FAM118B: variants seen among roughly 807,000 people sequenced by gnomAD.
The protein encoded by FAM118B is protein FAM118B.
Under a neutral mutation model 38.5 loss-of-function variants are expected in FAM118B, and 24 were observed. The observed-to-expected ratio is 0.62, with a 90% confidence interval of 0.45 to 0.88. The LOEUF (loss-of-function observed/expected upper bound fraction) is 0.88, where lower values mean the gene tolerates loss of function less well. Ranked by LOEUF, FAM118B falls within the 40% of genes least tolerant of loss-of-function variation. The probability of loss-of-function intolerance (pLI) is 0.00; values close to 1 mark genes in which losing one functional copy is unlikely to be tolerated. For synonymous variants in FAM118B, 138 were observed against 156.3 expected (o/e 0.88, Z 0.87); for missense variants, 334 against 420.0 (o/e 0.80, Z 1.79).
At chr11:126,259,654 T>G (rs1950644102) in intron 7 of FAM118B, among the ~76,000 whole-genome samples, 1 of 151,836 alleles carries the variant, frequency 6.6e-6, no homozygotes, top group Non-Finnish European at 1.5e-5. Context: ...CTCGGTCTCC[T>G]GACCTCATGA....
intron 4 of FAM118B, among the ~76,000 whole-genome samples, chr11:126,246,180 G>A (rs1950417476): frequency 6.6e-6 from 1 of 152,170 alleles, no homozygotes; most frequent in South Asian, 2.1e-4. Context: ...TATTTTTTAG[G>A]TGAGATAGAA....
At chr11:126,225,672 C>G (rs10790795) in intron 1 of FAM118B, among the ~76,000 whole-genome samples, 41,493 of 152,062 alleles carry the variant, frequency 0.27, 6,731 homozygotes, top group African/African-American at 0.44. Flanking sequence ...TTCATTGTTT[C>G]CAGCTTAGTT....
Position 126,261,417 on chromosome 11 carries a change from CTATT to C in FAM118B, c.983-5_983-2del. 6.2e-7 allele frequency: 1 copy of C among 1,613,386 alleles called. No individual in the cohort carries two copies. Among genetic ancestry groups the C allele is most frequent in the Non-Finnish European group, 8.5e-7 (1 of 1,179,348 alleles). The stretch of plus-strand genomic sequence containing the variant: ...GTCTAATGTCTGATGCTGATGTCCT[CTATT>C]TAGCAGGGATGGTGAGAGAAGGTCA... On this transcript the variant is annotated splice_region_variant and splice_polypyrimidine_tract_variant and intron_variant, in intron 7 of 8. Coordinates refer to ENST00000533050, the MANE Select transcript of FAM118B (RefSeq NM_024556.4).
At chr11:126,223,719 C>T (rs2135135251) in intron 1 of FAM118B, among the ~76,000 whole-genome samples, 1 of 152,146 alleles carries the variant, frequency 6.6e-6, no homozygotes, top group South Asian at 2.1e-4. Context: ...GAATCATTTG[C>T]CAGAAATAGT....
At chr11:126,233,450 A>G (rs1356361227) in intron 2 of FAM118B, 5 of 250,740 alleles carry the variant, frequency 2.0e-5, no homozygotes, top group Non-Finnish European at 3.1e-5. Flanking sequence ...GCGCCAGTGC[A>G]CTCCAGGCTG....
At chr11:126,261,668 A>G (rs1003907272) in intron 8 of FAM118B, among the ~76,000 whole-genome samples, 184 bp downstream of exon 8, 2 of 152,160 alleles carry the variant, frequency 1.3e-5, no homozygotes, top group African/African-American at 2.4e-5. Flanking sequence ...GTCTATTACA[A>G]TCTAGTGCAG....
In FAM118B at chr11:126,256,895, C is replaced by T; in HGVS notation, c.982+43C>T. On this transcript the variant is annotated intron_variant, in intron 7 of 8. Transcript: ENST00000533050. This position sits in a 1 kb window ranked among gnomAD's most constrained non-coding sequence, Gnocchi z 6.6. ...GCTGAGGGGAATCAGAGAACAACAG[C>T]TCTTCAGCCTTTTGTGTATTTGTGA... is the stretch of plus-strand genomic sequence containing the variant. 6.5e-7 allele frequency: 1 copy of T among 1,550,368 alleles called. No individual in the cohort carries two copies. The highest frequency in any genetic ancestry group is 8.8e-7 in the Non-Finnish European group (1 of 1,141,980).
chr11:126,227,500 C>T (rs1415716082), intron 1 of FAM118B, among the ~76,000 whole-genome samples: 2 of 152,196 alleles, frequency 1.3e-5, no homozygotes, highest in East Asian at 1.9e-4. Flanking sequence ...TGAATGTGAA[C>T]TCGAAAGTAA....
chr11:126,225,657 T>A (rs1278970263), intron 1 of FAM118B, among the ~76,000 whole-genome samples: 2 of 152,240 alleles, frequency 1.3e-5, no homozygotes, highest in Non-Finnish European at 2.9e-5. Context: ...TTCTCTGAGT[T>A]GCTGTTCATT....
chr11:126,236,759 AT>A (rs542616355), intron 3 of FAM118B, among the ~76,000 whole-genome samples: 92 of 131,298 alleles, frequency 7.0e-4, no homozygotes, highest in Admixed American at 1.1e-3. Flanking sequence ...GTGTTGCTTT[AT>A]TTTTTTCCCC....
intron 1 of FAM118B, among the ~76,000 whole-genome samples, chr11:126,213,991 T>C (rs1949929490): frequency 6.6e-6 from 1 of 152,198 alleles, no homozygotes; most frequent in Non-Finnish European, 1.5e-5. Flanking sequence ...AGTTATGACA[T>C]CCTTAATGTT....
At chr11:126,222,097 C>T (rs541251504) in intron 1 of FAM118B, among the ~76,000 whole-genome samples, 2 of 152,260 alleles carry the variant, frequency 1.3e-5, no homozygotes, top group South Asian at 2.1e-4. Context: ...AACACTGACT[C>T]CATGTCTAAT....
Position 126,222,760 on chromosome 11 carries a change from A to G in FAM118B, c.-76-6465A>G, listed in dbSNP as rs997780648. Among the ~76,000 whole-genome samples, 4 of 152,234 alleles carry G rather than the reference A, an allele frequency of 2.6e-5. No homozygotes were observed. The East Asian group carries it at 7.7e-4, about 29-fold the overall frequency. On this transcript the variant is annotated intron_variant, in intron 1 of 8. Transcript: ENST00000533050. ...TTAGACTTTAATTAATGGTAGATAC[A>G]CACTCATTCCATCAGCGAATGTTTG...
At chr11:126,258,028 CA>C (rs1425519127) in intron 7 of FAM118B, among the ~76,000 whole-genome samples, 3 of 152,112 alleles carry the variant, frequency 2.0e-5, no homozygotes, top group African/African-American at 7.2e-5. Flanking sequence ...CATCTAATTC[CA>C]AAAAAACTTG....
At chr11:126,221,449 T>C (rs761850113) in intron 1 of FAM118B, among the ~76,000 whole-genome samples, 3 of 152,330 alleles carry the variant, frequency 2.0e-5, no homozygotes, top group Non-Finnish European at 4.4e-5. Context: ...AGCTTATTTC[T>C]ACTATTCAGA....
At chr11:126,261,352 C>A in intron 7 of FAM118B, 73 bp from the exon 8 acceptor site, 1 of 1,254,412 alleles carries the variant, frequency 8.0e-7, no homozygotes, top group Admixed American at 1.7e-5. Flanking sequence ...CCTCATCTCC[C>A]TTTAGTTTTC....
intron 2 of FAM118B, among the ~76,000 whole-genome samples, chr11:126,229,726 C>T (rs1367841774): frequency 6.6e-6 from 1 of 152,164 alleles, no homozygotes. Context: ...CAGGCGTGAG[C>T]CACCGTGTCC....
At chr11:126,246,233 T>A (rs1428534436) in intron 4 of FAM118B, among the ~76,000 whole-genome samples, 1 of 152,140 alleles carries the variant, frequency 6.6e-6, no homozygotes, top group African/African-American at 2.4e-5. Context: ...TTTTCTGACT[T>A]TTGTGTGTGT....
In FAM118B at chr11:126,253,637, C is replaced by T. The variant is rs1407661696; in HGVS notation, c.568-668C>T. Among the ~76,000 whole-genome samples the T allele has an allele frequency of 6.6e-6, 1 of 152,150 alleles. No homozygotes were observed. Among genetic ancestry groups the T allele is most frequent in the African/African-American group, 2.4e-5 (1 of 41,430 alleles). On this transcript the variant is annotated intron_variant, in intron 5 of 8. Transcript: ENST00000533050. This position sits in a 1 kb window ranked among gnomAD's most constrained non-coding sequence, Gnocchi z 5.1. ...TTTGAACTGGGCTCAGTGACTCAGC[C>T]AGGCATTTTTTCTGCTGATTTTTGC...
Sources: allele counts gnomAD v4.1 joint callset (sites outside exome capture counted in the v4.1 genomes callset), GRCh38; gene constraint gnomAD v4.1.1; non-coding constraint Gnocchi (gnomAD v3.1); transcripts MANE v1.5; gene names NCBI Gene and HGNC (gene_info 2026-07-23, HGNC 2026-07-21).